WWOX: variants seen among roughly 807,000 people sequenced by gnomAD.
The protein encoded by WWOX is WW domain containing oxidoreductase.
In WWOX, 69 loss-of-function variants were observed where a neutral mutation model predicts 46.2. The observed-to-expected ratio is 1.49, with a 90% CI of 1.23 to 1.82. The LOEUF (loss-of-function observed/expected upper bound fraction) is 1.82, where lower values mean the gene tolerates loss of function less well. Among genes scored for constraint, WWOX ranks in the 40% most tolerant of loss-of-function variants. The probability of loss-of-function intolerance (pLI) is 0.00; values close to 1 mark genes in which losing one functional copy is unlikely to be tolerated. For synonymous variants in WWOX, 359 were observed against 202.6 expected (o/e 1.77, Z -6.56); for missense variants, 919 against 542.6 (o/e 1.69, Z -6.89).
chr16:78,134,258 C>G (rs1390145676), intron 4 of WWOX, among the ~76,000 whole-genome samples: 1 of 152,172 alleles, frequency 6.6e-6, no homozygotes, highest in Non-Finnish European at 1.5e-5. Context: ...TTCTGGATGG[C>G]TGTCAGAAGT....
At chr16:79,087,439 A>C (rs2048874137) in intron 8 of WWOX, among the ~76,000 whole-genome samples, 1 of 152,184 alleles carries the variant, frequency 6.6e-6, no homozygotes, top group Non-Finnish European at 1.5e-5. Context: ...GTTTGTAGGC[A>C]GCTTTTCATT....
At chr16:79,201,777 A>G (rs2051357566) in intron 8 of WWOX, among the ~76,000 whole-genome samples, 2 of 138,066 alleles carry the variant, frequency 1.4e-5, no homozygotes, top group Admixed American at 7.2e-5. Flanking sequence ...ATCCCTATTT[A>G]TGAAAACAAA....
chr16:78,278,640 T>A (rs184308805), intron 5 of WWOX: 13 of 1,610,878 alleles, frequency 8.1e-6, no homozygotes, highest in Admixed American at 6.7e-5. Flanking sequence ...AAGTGCAGAA[T>A]AAAAATTTTC....
Position 78,802,934 on chromosome 16 carries a change from A to C in WWOX, c.1056+370182A>C, listed in dbSNP as rs1567570798. On this transcript the variant is annotated intron_variant, in intron 8 of 8. Coordinates refer to ENST00000566780, the MANE Select transcript of WWOX (RefSeq NM_016373.4). Reference sequence around the variant, plus strand: ...TCATCTGAAAAAAAAAAAAAAAAAAAAAAAAAAACAACAAACAGAAAAATG... The same window carrying C: ...TCATCTGAAAAAAAAAAAAAAAAAACAAAAAAAACAACAAACAGAAAAATG... Among the ~76,000 whole-genome samples, 95 of 100,204 alleles carry C rather than the reference A, an allele frequency of 9.5e-4. 17 individuals are homozygous for C. Among genetic ancestry groups the C allele is most frequent in the South Asian group, 2.8e-3 (7 of 2,502 alleles). 65.7% of individuals were successfully genotyped at this position (100,204 alleles called of 152,430 possible).
chr16:78,656,739 G>A (rs780772697), intron 8 of WWOX, among the ~76,000 whole-genome samples: 24 of 152,260 alleles, frequency 1.6e-4, no homozygotes, highest in Non-Finnish European at 3.4e-4. Context: ...CATCCTCGTG[G>A]ATCTTCCTGG....
At chr16:78,116,336 A>G (rs939446857) in intron 4 of WWOX, among the ~76,000 whole-genome samples, 1 of 152,170 alleles carries the variant, frequency 6.6e-6, no homozygotes, top group African/African-American at 2.4e-5. Context: ...ATTTTCTAGC[A>G]TGATTAGGGA....
chr16:78,390,800 G>C (rs1292863257), intron 6 of WWOX, among the ~76,000 whole-genome samples: 2 of 152,164 alleles, frequency 1.3e-5, no homozygotes, highest in African/African-American at 4.8e-5. Context: ...AAAACATAAT[G>C]ACAAATGAAA....
intron 8 of WWOX, among the ~76,000 whole-genome samples, chr16:78,965,137 G>A (rs1290901439): frequency 2.0e-5 from 3 of 152,358 alleles, no homozygotes; most frequent in African/African-American, 2.4e-5. Context: ...CCATACTGGG[G>A]CACTGCCCAG....
At chr16:79,180,831 A>G (rs1301486466) in intron 8 of WWOX, among the ~76,000 whole-genome samples, 7 of 152,156 alleles carry the variant, frequency 4.6e-5, no homozygotes, top group Non-Finnish European at 1.0e-4. Context: ...AAAATGAAAA[A>G]CTAGGAAAAT....
intron 8 of WWOX, among the ~76,000 whole-genome samples, chr16:79,065,191 T>C (rs765700771): frequency 2.6e-5 from 4 of 152,190 alleles, no homozygotes; most frequent in Non-Finnish European, 5.9e-5. Context: ...GCTTCCTTAG[T>C]TCTTATAATT....
chr16:78,539,127 G>C (rs2043827010), intron 8 of WWOX, among the ~76,000 whole-genome samples: 1 of 152,164 alleles, frequency 6.6e-6, no homozygotes, highest in African/African-American at 2.4e-5. Flanking sequence ...CCTGTCTGTA[G>C]GCCTTTAATG....
intron 4 of WWOX, among the ~76,000 whole-genome samples, chr16:78,121,924 A>G (rs1217169826): frequency 6.6e-6 from 1 of 151,914 alleles, no homozygotes; most frequent in Non-Finnish European, 1.5e-5. Context: ...ACCTCCCCAA[A>G]TGCTGGGATT....
At chr16:78,577,135 T>A (rs2044902004) in intron 8 of WWOX, among the ~76,000 whole-genome samples, 1 of 152,172 alleles carries the variant, frequency 6.6e-6, no homozygotes, top group Non-Finnish European at 1.5e-5. Context: ...CAGTGTCTCA[T>A]AGGGTTGGGC....
chr16:78,973,533 A>AT (rs1311785644), intron 8 of WWOX, among the ~76,000 whole-genome samples: 13 of 151,838 alleles, frequency 8.6e-5, no homozygotes, highest in Admixed American at 5.9e-4. Context: ...CCCTTTATTT[A>AT]TTTATTTTCT....
chr16:78,457,785 G>C (rs184032515), intron 8 of WWOX, among the ~76,000 whole-genome samples: 3 of 151,250 alleles, frequency 2.0e-5, no homozygotes, highest in Admixed American at 6.6e-5. Context: ...GCGTGGTGGC[G>C]GGCGCCTGTA....
At chr16:78,239,064 C>A (rs564115533) in intron 5 of WWOX, among the ~76,000 whole-genome samples, 1 of 152,278 alleles carries the variant, frequency 6.6e-6, no homozygotes, top group East Asian at 1.9e-4. Context: ...AACCTGGCCA[C>A]GCATCCCCCG....
At chr16:78,479,275 G>C (rs1411283345) in intron 8 of WWOX, among the ~76,000 whole-genome samples, 2 of 152,172 alleles carry the variant, frequency 1.3e-5, no homozygotes, top group Non-Finnish European at 2.9e-5. Context: ...ATATGGATAT[G>C]AATTTGTATC....
chr16:78,334,917 CTTT>C (rs202225216), intron 5 of WWOX, among the ~76,000 whole-genome samples: 10 of 109,864 alleles, frequency 9.1e-5, no homozygotes, highest in African/African-American at 2.3e-4. Context: ...GAGATACCAT[CTTT>C]TTTTAAAAAA....
At chr16:78,101,439 C>G (rs1413186828) in intron 1 of WWOX, among the ~76,000 whole-genome samples, 2 of 149,236 alleles carry the variant, frequency 1.3e-5, no homozygotes, top group African/African-American at 2.5e-5. Flanking sequence ...CTCTGCATGC[C>G]GAGTTCAAGC....
Sources: gnomAD v4.1 joint callset for allele counts (sites outside exome capture counted in the v4.1 genomes callset) on GRCh38, gnomAD v4.1.1 for gene constraint, MANE v1.5 for transcripts, NCBI Gene and HGNC (gene_info 2026-07-23, HGNC 2026-07-21) for gene names.